The following NIBAN1 variants were observed in gnomAD, a reference collection of about 807,000 sequenced individuals.
The protein encoded by NIBAN1 is protein Niban 1.
In NIBAN1, 81 loss-of-function variants were observed where a neutral mutation model predicts 75.1. That is an observed-to-expected ratio of 1.08 (90% CI 0.90 to 1.30). The LOEUF (loss-of-function observed/expected upper bound fraction) is 1.30, where lower values mean the gene tolerates loss of function less well. NIBAN1 is among the 50% of genes most tolerant of loss of function. The pLI is 0.00. For synonymous variants in NIBAN1, 436 were observed against 424.8 expected (o/e 1.03, Z -0.32); for missense variants, 1,133 against 1,128.1 (o/e 1.00, Z -0.06).
At chr1:184,886,991 T>G (rs1384776757) in intron 4 of NIBAN1, among the ~76,000 whole-genome samples, 3 of 152,012 alleles carry the variant, frequency 2.0e-5, no homozygotes, top group Admixed American at 6.6e-5. Context: ...AGTGGTGGCA[T>G]GCACCTGTAA....
chr1:184,901,717 T>C (rs4141458), intron 1 of NIBAN1, among the ~76,000 whole-genome samples: 54,120 of 152,104 alleles, frequency 0.36, 10,628 homozygotes, highest in South Asian at 0.5. Flanking sequence ...TGAAAGCTGA[T>C]TTTCTGCCAC....
chr1:184,795,611 G>T lies in NIBAN1; in HGVS notation c.2153C>A (p.Ala718Glu). 6 of 1,614,076 alleles carry T rather than the reference G, an allele frequency of 3.7e-6. No individual in the cohort carries two copies. The highest frequency in any genetic ancestry group is 5.1e-6 in the Non-Finnish European group (6 of 1,180,028). The change falls in exon 14 of 14, where the codon GCG becomes GAG. Residue 718 changes from alanine (A) to glutamate (E), a missense_variant. Transcript: ENST00000367511. ...SLKALRKLLTASVEVPVDSAP... is the reference protein window; with the variant it reads ...SLKALRKLLTESVEVPVDSAP... ...AGAGTCCACTGGTACTTCCACGGACGCTGTCAGCAACTTTCTGAGCGCCTT... is the reference window on the plus strand; with the variant it reads ...AGAGTCCACTGGTACTTCCACGGACTCTGTCAGCAACTTTCTGAGCGCCTT...
intron 6 of NIBAN1, among the ~76,000 whole-genome samples, chr1:184,830,883 C>G (rs1654979959): frequency 6.6e-6 from 1 of 151,882 alleles, no homozygotes; most frequent in South Asian, 2.1e-4. Flanking sequence ...ATCTGTAGTC[C>G]CAGCTACTCG....
chr1:184,845,414 A>G (rs1056570423), intron 5 of NIBAN1, among the ~76,000 whole-genome samples: 3 of 152,254 alleles, frequency 2.0e-5, no homozygotes, highest in Non-Finnish European at 4.4e-5. Context: ...AATTAAAATA[A>G]CAATTATGAT....
chr1:184,884,767 A>G lies in NIBAN1; in HGVS notation c.467T>C (p.Val156Ala). The G allele has an allele frequency of 6.2e-7, 1 of 1,614,224 alleles. No homozygotes were observed. The highest frequency in any genetic ancestry group is 8.5e-7 in the Non-Finnish European group (1 of 1,180,006). The part of the protein sequence containing the change: ...SSEKENTQPF[V>A]VLPKEFPVYL... The stretch of plus-strand genomic sequence containing the variant: ...CACTGGGAATTCCTTGGGCAGGACC[A>G]CAAAGGGCTGAGTGTTCTCCTTCTC... The change falls in exon 5 of 14, where the codon GTG (valine) becomes GCG (alanine). Residue 156 changes from valine to alanine, a missense_variant. Val to Ala is a moderately conservative substitution (Grantham distance 64, BLOSUM62 0). Transcript: ENST00000367511.
Position 184,822,388 on chromosome 1 carries a change from C to T in NIBAN1, c.985+779G>A, listed in dbSNP as rs575103591. On this transcript the variant is annotated intron_variant, in intron 8 of 13. Coordinates refer to ENST00000367511, the MANE Select transcript of NIBAN1 (RefSeq NM_052966.4). Reference sequence around the variant, plus strand: ...AGTAAATATTTGTGCCTTTGTGGTCCGTAAGGTCTCAGTTCCAACTATTCA... The same window carrying T: ...AGTAAATATTTGTGCCTTTGTGGTCTGTAAGGTCTCAGTTCCAACTATTCA... 1.9e-4 allele frequency among the ~76,000 whole-genome samples: 29 copies of T among 152,240 alleles called. No individual in the cohort carries two copies. The East Asian group carries it at 2.5e-3, about 13-fold the overall frequency.
intron 6 of NIBAN1, among the ~76,000 whole-genome samples, chr1:184,826,191 C>T (rs1327147829): frequency 6.6e-5 from 10 of 152,148 alleles, no homozygotes; most frequent in Non-Finnish European, 2.9e-5. Context: ...TGTCATCTGC[C>T]AAGTGGATCT....
intron 1 of NIBAN1, among the ~76,000 whole-genome samples, chr1:184,901,704 C>A (rs549398095): frequency 5.9e-5 from 9 of 152,274 alleles, no homozygotes; most frequent in African/African-American, 1.7e-4. Context: ...CTCTATAAAG[C>A]TTTGAAAGCT....
intron 5 of NIBAN1, among the ~76,000 whole-genome samples, chr1:184,837,721 A>AT (rs1417783499): frequency 6.6e-6 from 1 of 151,872 alleles, no homozygotes; most frequent in Non-Finnish European, 1.5e-5. Context: ...ACTGCTCCAA[A>AT]TTTTCCTTCT....
In NIBAN1 at chr1:184,808,173, T is replaced by G. The variant is rs773935554; in HGVS notation, c.1236A>C (p.Lys412Asn). 2 of 1,614,114 alleles carry G rather than the reference T, an allele frequency of 1.2e-6. No individual in the cohort carries two copies. The highest frequency in any genetic ancestry group is 1.7e-6 in the Non-Finnish European group (2 of 1,179,996). Residue 412 changes from lysine (K) to asparagine (N), a missense_variant, in exon 10 of 14, where the codon AAA becomes AAC. Coordinates refer to ENST00000367511, the MANE Select transcript of NIBAN1 (RefSeq NM_052966.4). ...GCAGGCGCTCGTGAAGCAGGTTGAC[T>G]TTAGTATAACAAGGTTCCATCTTCA... ...HSVKMEPCYTKVNLLHERLQD... is the reference protein window; with the variant it reads ...HSVKMEPCYTNVNLLHERLQD...
chr1:184,867,870 A>G, intron 5 of NIBAN1: 1 of 985,426 alleles, frequency 1.0e-6, no homozygotes, highest in South Asian at 4.7e-5. Flanking sequence ...TTACCTTAAT[A>G]GAGGCTCTTT....
At chr1:184,833,740 C>T (rs1053304703) in intron 5 of NIBAN1, among the ~76,000 whole-genome samples, 24 of 151,234 alleles carry the variant, frequency 1.6e-4, no homozygotes, top group African/African-American at 5.6e-4. Context: ...AGAAAAGAAA[C>T]GAATATGGAA....
chr1:184,963,854 G>A (rs1658711450), intron 1 of NIBAN1, among the ~76,000 whole-genome samples: 1 of 152,128 alleles, frequency 6.6e-6, no homozygotes, highest in Non-Finnish European at 1.5e-5. Context: ...TAGATTTCAT[G>A]CAATTTCAAT....
intron 5 of NIBAN1, among the ~76,000 whole-genome samples, chr1:184,872,433 T>A (rs1048687360): frequency 6.6e-6 from 1 of 152,060 alleles, no homozygotes; most frequent in African/African-American, 2.4e-5. Context: ...AGGCTGGGCA[T>A]GAAGGCTCAC....
At chr1:184,899,363 T>A (rs998970138) in intron 1 of NIBAN1, 54 bp from the exon 2 acceptor site, 16 of 1,576,456 alleles carry the variant, frequency 1.0e-5, no homozygotes, top group Non-Finnish European at 8.7e-6. Context: ...TATACACCTA[T>A]CTACAGAGTT....
At chr1:184,901,618 T>C (rs2101991742) in intron 1 of NIBAN1, among the ~76,000 whole-genome samples, 1 of 152,310 alleles carries the variant, frequency 6.6e-6, no homozygotes, top group East Asian at 1.9e-4. Flanking sequence ...AGCCTGTTAA[T>C]TTCTAATGTT....
intron 9 of NIBAN1, among the ~76,000 whole-genome samples, chr1:184,810,937 G>A (rs1485515464): frequency 6.6e-6 from 1 of 152,242 alleles, no homozygotes. Context: ...GGTACCTGCA[G>A]GTCCCACCTG....
intron 1 of NIBAN1, among the ~76,000 whole-genome samples, chr1:184,912,074 T>C (rs1309642433): frequency 6.6e-6 from 1 of 152,170 alleles, no homozygotes; most frequent in South Asian, 2.1e-4. Flanking sequence ...AATATTATTA[T>C]CCATGTGTTC....
chr1:184,883,757 G>A (rs1251372173), intron 5 of NIBAN1, among the ~76,000 whole-genome samples: 1 of 152,068 alleles, frequency 6.6e-6, no homozygotes, highest in Non-Finnish European at 1.5e-5. Context: ...TGGGGGTGAA[G>A]CCTAAGAATG....
Sources: gnomAD v4.1 joint callset for allele counts (sites outside exome capture counted in the v4.1 genomes callset) on GRCh38, gnomAD v4.1.1 for gene constraint, MANE v1.5 for transcripts, NCBI Gene and HGNC (gene_info 2026-07-23, HGNC 2026-07-21) for gene names.